TBC1D9B: variants seen among roughly 807,000 people sequenced by gnomAD.
TBC1D9B encodes the protein TBC1 domain family member 9B, also known as TBC1 domain family, member 9B (with GRAM domain).
Under a neutral mutation model 121.1 loss-of-function variants are expected in TBC1D9B, and 87 were observed. The ratio of observed to expected loss-of-function variants is 0.72; its 90% CI spans 0.60 to 0.86. TBC1D9B has a LOEUF of 0.86. Among genes scored for constraint, TBC1D9B ranks in the 40% least tolerant of loss-of-function variants. The probability of loss-of-function intolerance (pLI) is 0.00; values close to 1 mark genes in which losing one functional copy is unlikely to be tolerated. For synonymous variants in TBC1D9B, 668 were observed against 670.1 expected, an observed-to-expected ratio of 1.00 and a Z score of 0.05; for missense variants, 1,540 against 1,628.6, an observed-to-expected ratio of 0.95 and a Z score of 0.94.
intron 2 of TBC1D9B, among the ~76,000 whole-genome samples, chr5:179,899,822 G>A (rs1311523681): frequency 2.6e-5 from 4 of 152,152 alleles, no homozygotes; most frequent in Non-Finnish European, 5.9e-5. Context: ...CTGGGCAGGC[G>A]AGTAGCTACT....
rs1761255392 is a variant in TBC1D9B at position 179,904,497 on chromosome 5, T to C, written c.229+205A>G. ...GCCTCGGCCTCCCAAAGTGCTGGGA[T>C]TACAGACGTGAGCCACCGCACCGGG... On this transcript the variant is annotated intron_variant, in intron 2 of 20. Transcript: ENST00000355235. This position sits in a 1 kb window ranked among gnomAD's most constrained non-coding sequence, Gnocchi z 4.2. Among the ~76,000 whole-genome samples the C allele has an allele frequency of 6.6e-6, 1 of 152,100 alleles. No individual in the cohort carries two copies. Among genetic ancestry groups the C allele is most frequent in the Admixed American group, 6.5e-5 (1 of 15,274 alleles).
chr5:179,867,764 CAGT>C lies in TBC1D9B; in HGVS notation c.2863+11_2863+13del. 6.3e-7 allele frequency: 1 copy of C among 1,590,688 alleles called. No individual in the cohort carries two copies. The highest frequency in any genetic ancestry group is 8.6e-7 in the Non-Finnish European group (1 of 1,166,448). ...TGCTGGCTGGGCATGTCGGGTGTTCCAGTGGCCGCTCACCTTCTGAGGAGCTGT... is the reference window on the plus strand; with the variant it reads ...TGCTGGCTGGGCATGTCGGGTGTTCCGGCCGCTCACCTTCTGAGGAGCTGT... On this transcript the variant is annotated intron_variant, in intron 18 of 20. Coordinates refer to ENST00000355235, the MANE Select transcript of TBC1D9B (RefSeq NM_015043.4).
intron 3 of TBC1D9B, 104 bp downstream of exon 3, chr5:179,899,085 T>A: frequency 2.2e-6 from 2 of 929,290 alleles, no homozygotes; most frequent in Middle Eastern, 2.8e-4. Context: ...TCCACCTTTG[T>A]AAAATGGGGA....
At chr5:179,869,739 C>T in intron 17 of TBC1D9B, 30 bp downstream of exon 17, 1 of 1,610,676 alleles carries the variant, frequency 6.2e-7, no homozygotes, top group Non-Finnish European at 8.5e-7. Context: ...GTGGGAGACC[C>T]TGGCTGGGGA....
chr5:179,893,470 G>A lies in TBC1D9B; in HGVS notation c.578-3C>T, dbSNP rs375942523. 3.7e-5 allele frequency: 59 copies of A among 1,594,946 alleles called. 1 individual carries two copies. Among genetic ancestry groups the A allele is most frequent in the Admixed American group, 2.2e-4 (13 of 59,092 alleles). The stretch of plus-strand genomic sequence containing the variant: ...CACCCACTGCACCACGAGGCTCACT[G>A]TGCCCACAGAGATAGACACACCGCA... On this transcript the variant is annotated splice_polypyrimidine_tract_variant and splice_region_variant and intron_variant, in intron 4 of 20. Transcript: ENST00000355235.
At position 179,904,223 on chromosome 5, in the gene TBC1D9B, T is replaced by TC. The variant is rs57394619; in HGVS notation, c.229+478_229+479insG. On this transcript the variant is annotated intron_variant, in intron 2 of 20. Transcript: ENST00000355235. This position sits in a 1 kb window ranked among gnomAD's most constrained non-coding sequence, Gnocchi z 4.2. The stretch of plus-strand genomic sequence containing the variant: ...TCCCCATGACCAGTGGAGCTGCCTT[T>TC]TTTTTTTTTTTTTTTTTTTGAGACG... 2.5e-3 allele frequency among the ~76,000 whole-genome samples: 197 copies of TC among 80,122 alleles called. 12 individuals are homozygous for TC. The highest frequency in any genetic ancestry group is 9.3e-3 in the East Asian group (8 of 864). The allele number at this position is 80,122 out of a possible 152,430, so 52.6% of individuals were successfully genotyped here.
At position 179,890,386 on chromosome 5, in the gene TBC1D9B, G is replaced by T. The variant is rs1225552836; in HGVS notation, c.1044+993C>A. Among the ~76,000 whole-genome samples, 4 of 152,180 alleles carry T rather than the reference G, an allele frequency of 2.6e-5. No homozygotes were observed. The highest frequency in any genetic ancestry group is 5.9e-5 in the Non-Finnish European group (4 of 68,032). Reference sequence around the variant, plus strand: ...GAGAAATCCAAACGGAGCCTCAGGTGTCAGGAAGACCCCTAGGCCTGGGGG... The same window carrying T: ...GAGAAATCCAAACGGAGCCTCAGGTTTCAGGAAGACCCCTAGGCCTGGGGG... On this transcript the variant is annotated intron_variant, in intron 6 of 20. Transcript: ENST00000355235. The surrounding 1 kb of genome is among the most constrained non-coding windows in gnomAD (Gnocchi z 5.0).
At chr5:179,866,056 G>A (rs777849424) in intron 18 of TBC1D9B, 168 bp from the exon 19 acceptor site, 19 of 689,418 alleles carry the variant, frequency 2.8e-5, no homozygotes, top group East Asian at 1.2e-4. Context: ...GCCCAGCCCC[G>A]CCCTATGGCA....
At position 179,904,717 on chromosome 5, in the gene TBC1D9B, A is replaced by C; in HGVS notation, c.214T>G (p.Trp72Gly). Reference sequence around the variant, plus strand: ...GGGCACCTACCACACGCCACTGTCCAGTAGACCTGGGAGTCCTGGGTCTGG... The same window carrying C: ...GGGCACCTACCACACGCCACTGTCCCGTAGACCTGGGAGTCCTGGGTCTGG... ...LHQTQDSQVY[W>G]TVACGSSRKE... is the part of the protein sequence containing the mutation. Residue 72 changes from tryptophan to glycine, a missense_variant, in exon 2 of 21, where the codon TGG becomes GGG. By Grantham distance (184) the Trp-to-Gly change is radical (BLOSUM62 -2). Coordinates refer to ENST00000355235, the MANE Select transcript of TBC1D9B (RefSeq NM_015043.4). This position sits in a 1 kb window ranked among gnomAD's most constrained non-coding sequence, Gnocchi z 4.2. The C allele has an allele frequency of 6.4e-7, 1 of 1,572,206 alleles. No individual in the cohort carries two copies. The highest frequency in any genetic ancestry group is 8.6e-7 in the Non-Finnish European group (1 of 1,158,918).
Position 179,862,662 on chromosome 5 carries a change from C to T in TBC1D9B, c.*786G>A. On this transcript the variant is annotated 3_prime_UTR_variant, in exon 21 of 21. Transcript: ENST00000355235. Reference sequence around the variant, plus strand: ...TGAACTTCCAGAACACAGCCAGGGCCCCATACTTGGCCTGGGGAGAAGTTG... The same window carrying T: ...TGAACTTCCAGAACACAGCCAGGGCTCCATACTTGGCCTGGGGAGAAGTTG... The T allele has an allele frequency of 2.3e-6, 1 of 443,656 alleles. No individual in the cohort carries two copies. The highest frequency in any genetic ancestry group is 7.2e-5 in the East Asian group (1 of 13,982). The allele number at this position is 443,656 out of a possible 1,614,324, so 27.5% of individuals were successfully genotyped here.
At position 179,875,960 on chromosome 5, in the gene TBC1D9B, G is replaced by C; in HGVS notation, c.1860C>G (p.Cys620Trp). Residue 620 changes from cysteine (C) to tryptophan (W), a missense_variant, in exon 11 of 21, where the codon TGC becomes TGG. Cys to Trp is a radical substitution (Grantham distance 215). Coordinates refer to ENST00000355235, the MANE Select transcript of TBC1D9B (RefSeq NM_015043.4). This position sits in a 1 kb window ranked among gnomAD's most constrained non-coding sequence, Gnocchi z 4.5. ...EEAFWLLVALCERMLPDYYNT... is the reference protein window; with the variant it reads ...EEAFWLLVALWERMLPDYYNT... ...TGTAGTAGTCGGGCAGCATGCGCTC[G>C]CACAGGGCCACCAGGAGCCAGAAGG... The C allele has an allele frequency of 6.2e-7, 1 of 1,611,008 alleles. No homozygotes were observed. The highest frequency in any genetic ancestry group is 8.5e-7 in the Non-Finnish European group (1 of 1,178,940).
rs141077968 is a variant in TBC1D9B at position 179,867,798 on chromosome 5, G to A, written c.2843C>T (p.Thr948Ile). 4,037 of 1,546,992 alleles carry A rather than the reference G, an allele frequency of 2.6e-3. 100 individuals are homozygous for A. The African/African-American group carries it at 0.05, about 19-fold the overall frequency. The change falls in exon 18 of 21, where the codon ACA becomes ATA. Residue 948 changes from threonine (T) to isoleucine (I), a missense_variant. By Grantham distance (89) the Thr-to-Ile change is moderately conservative (BLOSUM62 -1). Transcript: ENST00000355235. The stretch of plus-strand genomic sequence containing the variant: ...CTCACCTTCTGAGGAGCTGTCCTCT[G>A]TGAAATAATGGGCCGCCTCCAGGGC... ...ESALEAAHYF[T>I]EDSSSEEALP...
chr5:179,907,609 C>A lies in TBC1D9B; in HGVS notation c.118+95G>T. ...GCGTGTCCGCCGCGACGCGCCGAGG[C>A]CGGGCCGGAACCGGACCCGCCCGCC... On this transcript the variant is annotated intron_variant, in intron 1 of 20. Transcript: ENST00000355235. The surrounding 1 kb of genome is among the most constrained non-coding windows in gnomAD (Gnocchi z 5.3). The A allele has an allele frequency of 1.5e-6, 1 of 650,440 alleles. No homozygotes were observed. The highest frequency in any genetic ancestry group is 1.9e-6 in the Non-Finnish European group (1 of 526,474). The allele number at this position is 650,440 out of a possible 1,614,324, so 40.3% of individuals were successfully genotyped here. A position where few individuals can be genotyped will look rare whatever the true frequency, so the allele number is the denominator to read the frequency against.
In TBC1D9B at chr5:179,883,975, C is replaced by T. The variant is rs886553787; in HGVS notation, c.1254+4128G>A. On this transcript the variant is annotated intron_variant, in intron 7 of 20. Coordinates refer to ENST00000355235, the MANE Select transcript of TBC1D9B (RefSeq NM_015043.4). The stretch of plus-strand genomic sequence containing the variant: ...GGCCACCTCTTTCTTGTATCTAAAG[C>T]TTTTCTCCTTTACCCCAAGTGTTCC... 5.3e-5 allele frequency among the ~76,000 whole-genome samples: 8 copies of T among 152,268 alleles called. 2 individuals carry two copies. The highest frequency in any genetic ancestry group is 5.2e-4 in the Admixed American group (8 of 15,294).
Position 179,907,578 on chromosome 5 carries a change from T to A in TBC1D9B, c.118+126A>T, listed in dbSNP as rs888226539. ...CTCGCGCCCCCGCCCCGCCGCGCGC[T>A]GGCGTGCGTGTCCGCCGCGACGCGC... On this transcript the variant is annotated intron_variant, in intron 1 of 20. Transcript: ENST00000355235. This position sits in a 1 kb window ranked among gnomAD's most constrained non-coding sequence, Gnocchi z 5.3. 78 of 396,698 alleles carry A rather than the reference T, an allele frequency of 2.0e-4. No individual in the cohort carries two copies. In the East Asian group the frequency reaches 0.011, roughly 54 times the overall value. The allele number at this position is 396,698 out of a possible 1,614,324, so 24.6% of individuals were successfully genotyped here.
At chr5:179,889,828 C>A (rs1338982664) in intron 6 of TBC1D9B, among the ~76,000 whole-genome samples, 5 of 137,660 alleles carry the variant, frequency 3.6e-5, no homozygotes, top group Non-Finnish European at 7.6e-5. Context: ...GAGCCATGAT[C>A]ACACCACTGC....
intron 7 of TBC1D9B, among the ~76,000 whole-genome samples, chr5:179,886,316 C>T (rs948691271): frequency 2.0e-5 from 3 of 152,226 alleles, no homozygotes; most frequent in African/African-American, 7.2e-5. Flanking sequence ...CCTAGAATAG[C>T]AGCTGGCACC....
In TBC1D9B at chr5:179,896,909, C is replaced by A. The variant is rs147200921; in HGVS notation, c.348+2280G>T. Among the ~76,000 whole-genome samples the A allele has an allele frequency of 6.5e-4, 98 of 151,838 alleles. 2 individuals are homozygous for A. In the East Asian group the frequency reaches 0.019, roughly 29 times the overall value. On this transcript the variant is annotated intron_variant, in intron 3 of 20. Transcript: ENST00000355235. ...AGAGTTTTGCTTTTTTAAAGATGCT[C>A]CTCACAGCGTATTTTGAGACGGAGT...
intron 1 of TBC1D9B, among the ~76,000 whole-genome samples, chr5:179,906,551 G>A (rs548155597): frequency 1.3e-5 from 2 of 152,196 alleles, no homozygotes; most frequent in East Asian, 1.9e-4. Context: ...CCGGTCCCTC[G>A]CTTTCTTCAT....
Sources: allele counts gnomAD v4.1 joint callset (sites outside exome capture counted in the v4.1 genomes callset), GRCh38; gene constraint gnomAD v4.1.1; non-coding constraint Gnocchi (gnomAD v3.1); transcripts MANE v1.5; gene names NCBI Gene and HGNC (gene_info 2026-07-23, HGNC 2026-07-21).